Variants in CLASP1 observed in about 807,000 individuals in gnomAD.
The protein encoded by CLASP1 is CLIP-associating protein 1.
A neutral mutation model predicts 192.3 loss-of-function variants in CLASP1; 38 were observed. The ratio of observed to expected loss-of-function variants is 0.20; its 90% CI spans 0.15 to 0.26. The LOEUF is 0.26. Among genes scored for constraint, CLASP1 ranks in the 10% least tolerant of loss-of-function variants. The pLI is 1.00. For missense variants in CLASP1, 1,433 were observed against 1,932.5 expected (o/e 0.74, Z 4.85); for synonymous variants, 691 against 712.8 (o/e 0.97, Z 0.49).
At chr2:121,375,167 T>C (rs2069750084) in intron 34 of CLASP1, among the ~76,000 whole-genome samples, 2 of 152,044 alleles carry the variant, frequency 1.3e-5, no homozygotes, top group Non-Finnish European at 1.5e-5. Context: ...TAAGTTCTCA[T>C]GAGATCTGGT....
At chr2:121,407,503 C>A (rs971074023) in exon 25 of CLASP1, 7 of 1,613,852 alleles carry the variant, frequency 4.3e-6, no homozygotes, top group African/African-American at 1.3e-5. Context: ...GTAAGTTCTG[C>A]AGGCCCAGAA....
chr2:121,361,628 T>G (rs1453371062), intron 37 of CLASP1, among the ~76,000 whole-genome samples: 2 of 152,140 alleles, frequency 1.3e-5, no homozygotes, highest in Admixed American at 1.3e-4. Flanking sequence ...TTGGCTATTG[T>G]TAGTGCATTT....
chr2:121,580,975 A>T (rs977668237), intron 2 of CLASP1, among the ~76,000 whole-genome samples: 5 of 152,232 alleles, frequency 3.3e-5, no homozygotes, highest in Non-Finnish European at 1.5e-5. Context: ...ATTAAAGGCC[A>T]TGCCCTCAAT....
intron 39 of CLASP1, 88 bp from the exon 41 acceptor site, chr2:121,341,035 G>A: frequency 1.2e-6 from 1 of 831,152 alleles, no homozygotes; most frequent in Non-Finnish European, 2.0e-6. Flanking sequence ...TGACAGTAAG[G>A]AAACAGCAAG....
chr2:121,469,710 G>T, intron 9 of CLASP1, 98 bp downstream of exon 9: 1 of 1,194,950 alleles, frequency 8.4e-7, no homozygotes, highest in Non-Finnish European at 1.1e-6. Flanking sequence ...TATGGGGACT[G>T]TATCACTTCT....
At chr2:121,468,650 G>C (rs148492294) in intron 9 of CLASP1, among the ~76,000 whole-genome samples, 42 of 152,234 alleles carry the variant, frequency 2.8e-4, no homozygotes, top group Middle Eastern at 3.4e-3. Flanking sequence ...TGCTGAAGTT[G>C]CTTATCAGCT....
chr2:121,443,874 C>T (rs1300650608), intron 19 of CLASP1, among the ~76,000 whole-genome samples: 4 of 152,138 alleles, frequency 2.6e-5, no homozygotes. Context: ...TTTTATGAGT[C>T]CCTTGGAAAG....
At chr2:121,520,171 G>A (rs2094426340) in intron 6 of CLASP1, among the ~76,000 whole-genome samples, 1 of 152,184 alleles carries the variant, frequency 6.6e-6, no homozygotes, top group Non-Finnish European at 1.5e-5. Context: ...CACAGATCAG[G>A]AATGGCAGGC....
chr2:121,620,208 G>A lies in CLASP1; in HGVS notation c.-285-14028C>T, dbSNP rs1457783280. 5.4e-5 allele frequency among the ~76,000 whole-genome samples: 8 copies of A among 149,228 alleles called. No individual in the cohort carries two copies. The East Asian group carries it at 6.0e-4, about 11-fold the overall frequency. ...TGCACTCCAGCCTGGGCAACAGAGC[G>A]AGATTCTGTCTCAAAAAAAAAAAAA... On this transcript the variant is annotated intron_variant, in intron 1 of 39. Coordinates refer to ENST00000263710, the Ensembl canonical transcript of CLASP1.
At chr2:121,407,662 A>G in exon 25 of CLASP1, 1 of 1,614,046 alleles carries the variant, frequency 6.2e-7, no homozygotes, top group Non-Finnish European at 8.5e-7. Flanking sequence ...CACTGTTGGC[A>G]TCATCGTCAG....
At chr2:121,475,983 T>C (rs1306493985) in intron 8 of CLASP1, among the ~76,000 whole-genome samples, 2 of 152,146 alleles carry the variant, frequency 1.3e-5, no homozygotes, top group Non-Finnish European at 2.9e-5. Context: ...GATAAACCAC[T>C]TAAAAATGAC....
intron 24 of CLASP1, among the ~76,000 whole-genome samples, chr2:121,409,847 T>C (rs1288776005): frequency 6.6e-6 from 1 of 152,148 alleles, no homozygotes; most frequent in Non-Finnish European, 1.5e-5. Context: ...AGTCTTTCTA[T>C]ACATAAGGTT....
rs116585029 is a variant in CLASP1 at position 121,385,018 on chromosome 2, G to C, written c.3374+2104C>G. ...GTCACAGAAAATCAACATTTTAAGA[G>C]CAATGCTCAGAAAAAATAGCTGAGA... On this transcript the variant is annotated intron_variant, in intron 32 of 39. Transcript: ENST00000263710. Among the ~76,000 whole-genome samples the C allele has an allele frequency of 4.9e-3, 750 of 152,240 alleles. 9 individuals are homozygous for C. Among genetic ancestry groups the C allele is most frequent in the African/African-American group, 0.017 (727 of 41,548 alleles).
intron 22 of CLASP1, among the ~76,000 whole-genome samples, chr2:121,419,275 G>A (rs556077648): frequency 2.0e-5 from 3 of 152,300 alleles, no homozygotes; most frequent in Non-Finnish European, 4.4e-5. Flanking sequence ...AGCCATAAGA[G>A]TTGACACAAC....
At chr2:121,367,324 C>CT (rs1311230575) in intron 35 of CLASP1, among the ~76,000 whole-genome samples, 1 of 152,246 alleles carries the variant, frequency 6.6e-6, no homozygotes, top group Non-Finnish European at 1.5e-5. Context: ...TCATGCTCAG[C>CT]TGTGGCAGTG....
chr2:121,504,754 C>A (rs1229523018), intron 7 of CLASP1, among the ~76,000 whole-genome samples: 1 of 152,210 alleles, frequency 6.6e-6, no homozygotes, highest in East Asian at 1.9e-4. Flanking sequence ...TGCCTCCCCC[C>A]ATTCCATAGG....
intron 8 of CLASP1, among the ~76,000 whole-genome samples, chr2:121,473,669 G>A (rs142356626): frequency 6.6e-6 from 1 of 152,154 alleles, no homozygotes; most frequent in African/African-American, 2.4e-5. Context: ...AAAGCATACG[G>A]AGGCACATCA....
At chr2:121,549,349 A>T (rs2057783731) in intron 2 of CLASP1, among the ~76,000 whole-genome samples, 1 of 152,224 alleles carries the variant, frequency 6.6e-6, no homozygotes, top group Admixed American at 6.5e-5. Flanking sequence ...GATGGGCATT[A>T]CATAATGGTA....
At chr2:121,365,907 G>A (rs1218988431) in intron 35 of CLASP1, among the ~76,000 whole-genome samples, 1 of 152,146 alleles carries the variant, frequency 6.6e-6, no homozygotes, top group African/African-American at 2.4e-5. Flanking sequence ...CTGTGAACAC[G>A]GTTTCTATGG....
Sources: allele counts gnomAD v4.1 joint callset (sites outside exome capture counted in the v4.1 genomes callset), GRCh38; gene constraint gnomAD v4.1.1; transcripts MANE v1.5; gene names NCBI Gene and HGNC (gene_info 2026-07-23, HGNC 2026-07-21).